AP5M1: variants seen among roughly 807,000 people sequenced by gnomAD.
The protein encoded by AP5M1 is adaptor related protein complex 5 subunit mu 1.
In AP5M1, 44 loss-of-function variants were observed where a neutral mutation model predicts 52.3. That is an observed-to-expected ratio of 0.84 (90% CI 0.66 to 1.08). The LOEUF is 1.08. Among genes scored for constraint, AP5M1 ranks in the 50% least tolerant of loss-of-function variants. AP5M1 has a pLI of 0.00. For missense variants in AP5M1, 526 were observed against 568.4 expected, an observed-to-expected ratio of 0.93 and a Z score of 0.76; for synonymous variants, 213 against 199.0, an observed-to-expected ratio of 1.07 and a Z score of -0.59.
intron 6 of AP5M1, among the ~76,000 whole-genome samples, chr14:57,283,865 A>G (rs565824137): frequency 6.6e-6 from 1 of 152,224 alleles, no homozygotes; most frequent in African/African-American, 2.4e-5. Context: ...GCACACCTTT[A>G]GTCACAGCTT....
At chr14:57,281,682 C>A (rs1342800323) in intron 3 of AP5M1, among the ~76,000 whole-genome samples, 1 of 152,220 alleles carries the variant, frequency 6.6e-6, no homozygotes, top group Non-Finnish European at 1.5e-5. Flanking sequence ...GTTGTTTCCT[C>A]TTCAGTCAGT....
intron 1 of AP5M1, chr14:57,273,763 G>T: frequency 1.4e-6 from 1 of 701,110 alleles, no homozygotes; most frequent in South Asian, 1.5e-5. Flanking sequence ...AAGTAGAATA[G>T]AACATTCCTT....
rs114072619 is a variant in AP5M1, at chr14:57,274,246, G to A, written c.77G>A (p.Arg26Gln). 7.8e-4 allele frequency: 1,242 copies of A among 1,593,284 alleles called. 7 individuals carry two copies. In the African/African-American group the frequency reaches 0.015, roughly 19 times the overall value. The change falls in exon 2 of 8, where the codon CGG (arginine) becomes CAG (glutamine). Residue 26 changes from arginine to glutamine, a missense_variant and splice_region_variant. Coordinates refer to ENST00000261558, the MANE Select transcript of AP5M1 (RefSeq NM_018229.4). ...ATGTTTCTGTTTCCGTAATGCAGAC[G>A]GTATCCAACTGTTGAAAAACGAGCC... Reference protein sequence around the residue: ...PLCGTVRFSRRYPTVEKRARV... With the variant: ...PLCGTVRFSRQYPTVEKRARV...
At chr14:57,276,836 A>G (rs926216326) in intron 2 of AP5M1, among the ~76,000 whole-genome samples, 3 of 152,188 alleles carry the variant, frequency 2.0e-5, no homozygotes, top group African/African-American at 7.2e-5. Flanking sequence ...AAATGGGGCT[A>G]TACCTTAACC....
rs1225906699 is a variant in AP5M1 at position 57,293,067 on chromosome 14, T to C, written c.*4183T>C. 1 of 151,716 alleles carries C rather than the reference T, an allele frequency of 6.6e-6. No individual in the cohort carries two copies. Among genetic ancestry groups the C allele is most frequent in the Non-Finnish European group, 1.5e-5 (1 of 67,766 alleles). The allele number at this position is 151,716 out of a possible 1,614,324, so 9.4% of individuals were successfully genotyped here. A position where few individuals can be genotyped will look rare whatever the true frequency, so the allele number is the denominator to read the frequency against. On this transcript the variant is annotated 3_prime_UTR_variant, in exon 8 of 8. Coordinates refer to ENST00000261558, the MANE Select transcript of AP5M1 (RefSeq NM_018229.4). ...CTGAGTACCTCTTCTTCCATAATTT[T>C]AAATTTTGAAATATTATATGGAATT... is the stretch of plus-strand genomic sequence containing the variant.
In AP5M1 at chr14:57,268,972, G is replaced by A. The variant is rs897180138; in HGVS notation, c.-343G>A. 3 of 566,948 alleles carry A rather than the reference G, an allele frequency of 5.3e-6. No homozygotes were observed. Among genetic ancestry groups the A allele is most frequent in the Non-Finnish European group, 9.1e-6 (3 of 330,130 alleles). 35.1% of individuals were successfully genotyped at this position (566,948 alleles called of 1,614,324 possible). On this transcript the variant is annotated 5_prime_UTR_variant, in exon 1 of 8. Coordinates refer to ENST00000261558, the MANE Select transcript of AP5M1 (RefSeq NM_018229.4). ...ACGAGCGGCGAAAGAACCGAAAAAA[G>A]GCTCGACGCTACCGTGTATGAGGAA...
chr14:57,274,265 A>C lies in AP5M1; in HGVS notation c.96A>C (p.Lys32Asn). 1.2e-5 allele frequency: 19 copies of C among 1,610,550 alleles called. No individual in the cohort carries two copies. The highest frequency in any genetic ancestry group is 1.6e-5 in the Non-Finnish European group (19 of 1,178,094). ...GCAGACGGTATCCAACTGTTGAAAAACGAGCCAGAGTCTTCAATGGAGCAA... is the reference window on the plus strand; with the variant it reads ...GCAGACGGTATCCAACTGTTGAAAACCGAGCCAGAGTCTTCAATGGAGCAA... ...RFSRRYPTVE[K>N]RARVFNGASY... The change falls in exon 2 of 8, where the codon AAA becomes AAC. Residue 32 changes from lysine to asparagine, a missense_variant. Physicochemically the swap from Lys to Asn is moderately conservative, Grantham distance 94. Coordinates refer to ENST00000261558, the MANE Select transcript of AP5M1 (RefSeq NM_018229.4).
intron 7 of AP5M1, among the ~76,000 whole-genome samples, chr14:57,287,513 T>C (rs1280717255): frequency 1.3e-5 from 2 of 152,106 alleles, no homozygotes; most frequent in African/African-American, 4.8e-5. Flanking sequence ...GTATTTTAGA[T>C]TGTCTATGGG....
At chr14:57,275,067 TTA>T in intron 2 of AP5M1, 178 bp downstream of exon 2, 1 of 655,772 alleles carries the variant, frequency 1.5e-6, no homozygotes, top group Non-Finnish European at 2.6e-6. Context: ...ATTATATTAG[TTA>T]TCTGTGGCTG....
chr14:57,279,272 A>G (rs1010642169), intron 2 of AP5M1, among the ~76,000 whole-genome samples: 3 of 152,242 alleles, frequency 2.0e-5, no homozygotes, highest in Admixed American at 1.3e-4. Context: ...AAGACATGGA[A>G]TCAACATAAG....
At chr14:57,285,209 G>A (rs1804935087) in intron 6 of AP5M1, among the ~76,000 whole-genome samples, 2 of 152,058 alleles carry the variant, frequency 1.3e-5, no homozygotes, top group Non-Finnish European at 2.9e-5. Context: ...TTCTATCTTG[G>A]CTTCACTTAT....
intron 1 of AP5M1, among the ~76,000 whole-genome samples, chr14:57,273,011 G>A (rs8016341): frequency 2.0e-5 from 3 of 151,682 alleles, no homozygotes; most frequent in East Asian, 1.9e-4. Flanking sequence ...GGCTCGGCTC[G>A]GCTCATTGCA....
At position 57,296,932 on chromosome 14, in the gene AP5M1, C is replaced by T. The variant is rs1301520762; in HGVS notation, c.*8048C>T. The T allele has an allele frequency of 6.6e-6, 1 of 151,948 alleles. No individual in the cohort carries two copies. The highest frequency in any genetic ancestry group is 2.4e-5 in the African/African-American group (1 of 41,386). 9.4% of individuals were successfully genotyped at this position (151,948 alleles called of 1,614,324 possible). A position where few individuals can be genotyped will look rare whatever the true frequency, so the allele number is the denominator to read the frequency against. On this transcript the variant is annotated 3_prime_UTR_variant, in exon 8 of 8. Coordinates refer to ENST00000261558, the MANE Select transcript of AP5M1 (RefSeq NM_018229.4). ...AGCATTGTAGCGTAGGAGACTATTT[C>T]TGTATGTTATTAGTACAGAAACTGC...
chr14:57,271,396 A>G (rs997339106), intron 1 of AP5M1: 6 of 152,198 alleles, frequency 3.9e-5, no homozygotes, highest in Non-Finnish European at 1.5e-5. Flanking sequence ...CTTTCCTAAC[A>G]TGTAATTTTT....
chr14:57,269,745 G>T (rs1259395041), intron 1 of AP5M1, among the ~76,000 whole-genome samples: 1 of 152,194 alleles, frequency 6.6e-6, no homozygotes, highest in Non-Finnish European at 1.5e-5. Flanking sequence ...TGACAAAATC[G>T]TTCCAGAACA....
intron 1 of AP5M1, 48 bp downstream of exon 1, chr14:57,269,436 G>A (rs929603415): frequency 3.1e-6 from 5 of 1,594,742 alleles, no homozygotes; most frequent in Non-Finnish European, 4.3e-6. Flanking sequence ...GAAGATCGAT[G>A]AAGTAGCATA....
chr14:57,298,337 G>A lies in AP5M1; in HGVS notation c.*9453G>A, dbSNP rs1002481707. ...TTAGAACATTTCCATTAACCATAAA[G>A]GCAAAGTGGTATAGAGAAAATAATA... On this transcript the variant is annotated 3_prime_UTR_variant, in exon 8 of 8. Coordinates refer to ENST00000261558, the MANE Select transcript of AP5M1 (RefSeq NM_018229.4). 6.6e-6 allele frequency: 1 copy of A among 152,090 alleles called. No homozygotes were observed. The highest frequency in any genetic ancestry group is 1.5e-5 in the Non-Finnish European group (1 of 68,020). 9.4% of individuals were successfully genotyped at this position (152,090 alleles called of 1,614,324 possible).
At chr14:57,269,419 T>C in intron 1 of AP5M1, 31 bp downstream of exon 1, 1 of 1,607,644 alleles carries the variant, frequency 6.2e-7, no homozygotes, top group South Asian at 1.1e-5. Flanking sequence ...TCAGGGATGA[T>C]GGATCAGAAG....
intron 7 of AP5M1, 26 bp from the exon 8 acceptor site, chr14:57,288,776 C>A: frequency 1.4e-6 from 2 of 1,418,646 alleles, no homozygotes; most frequent in South Asian, 1.2e-5. Flanking sequence ...ATAGTCTTAT[C>A]ATTAATTTCT....
Sources: allele counts gnomAD v4.1 joint callset (sites outside exome capture counted in the v4.1 genomes callset), GRCh38; gene constraint gnomAD v4.1.1; transcripts MANE v1.5; gene names NCBI Gene and HGNC (gene_info 2026-07-23, HGNC 2026-07-21).